Variants in JAK2 observed in about 807,000 individuals in gnomAD.
JAK2 encodes the protein tyrosine-protein kinase JAK2.
A neutral mutation model predicts 139.3 loss-of-function variants in JAK2; 86 were observed. The ratio of observed to expected loss-of-function variants is 0.62; its 90% CI spans 0.52 to 0.74. The LOEUF is 0.74. JAK2 is among the 30% of genes least tolerant of loss of function. The pLI, the probability that JAK2 is intolerant of heterozygous loss-of-function variation, is 0.00. For synonymous variants in JAK2, 490 were observed against 437.7 expected (o/e 1.12, Z -1.49); for missense variants, 1,421 against 1,360.3 (o/e 1.04, Z -0.70).
At chr9:5,104,626 T>A (rs569641178) in intron 22 of JAK2, among the ~76,000 whole-genome samples, 1 of 152,234 alleles carries the variant, frequency 6.6e-6, no homozygotes, top group African/African-American at 2.4e-5. Flanking sequence ...TTTAGACCAA[T>A]ATCCCTGATG....
chr9:5,101,593 T>C (rs534652546), intron 22 of JAK2, among the ~76,000 whole-genome samples: 1 of 152,322 alleles, frequency 6.6e-6, no homozygotes, highest in South Asian at 2.1e-4. Flanking sequence ...CCCTGATGCT[T>C]CTGTAGCCTA....
intron 3 of JAK2, among the ~76,000 whole-genome samples, chr9:5,024,205 G>T (rs969071381): frequency 1.3e-5 from 2 of 152,082 alleles, no homozygotes; most frequent in Non-Finnish European, 2.9e-5. Flanking sequence ...GCAGTGAGCC[G>T]AGATTGCGCC....
intron 2 of JAK2, among the ~76,000 whole-genome samples, chr9:4,992,712 C>T (rs989333783): frequency 1.3e-5 from 2 of 152,118 alleles, no homozygotes; most frequent in East Asian, 1.9e-4. Flanking sequence ...GAACTGAGGA[C>T]CCATGAAGAG....
intron 2 of JAK2, among the ~76,000 whole-genome samples, chr9:5,002,300 C>T (rs971330986): frequency 6.6e-6 from 1 of 151,826 alleles, no homozygotes; most frequent in Non-Finnish European, 1.5e-5. Context: ...TCTCTCTAAC[C>T]ACTATTTTAG....
intron 8 of JAK2, among the ~76,000 whole-genome samples, chr9:5,059,398 A>G (rs529598684): frequency 2.0e-5 from 3 of 152,148 alleles, no homozygotes; most frequent in Non-Finnish European, 4.4e-5. Flanking sequence ...GTGTCAGTTC[A>G]TTCCTTTTTA....
At chr9:5,110,761 G>T in intron 22 of JAK2, 1 of 384,598 alleles carries the variant, frequency 2.6e-6, no homozygotes, top group South Asian at 2.1e-5. Context: ...TCTGCGGACT[G>T]GCCATGCAGG....
At chr9:5,049,090 C>G (rs935775263) in intron 5 of JAK2, among the ~76,000 whole-genome samples, 1 of 152,130 alleles carries the variant, frequency 6.6e-6, no homozygotes, top group African/African-American at 2.4e-5. Flanking sequence ...ATAAAGTTAT[C>G]AGCCTTTTTT....
At chr9:5,094,981 A>T (rs1284048816) in intron 22 of JAK2, 1 of 152,118 alleles carries the variant, frequency 6.6e-6, no homozygotes, top group Non-Finnish European at 1.5e-5. Context: ...ATATATCTCA[A>T]TGCCTTTCCT....
chr9:5,085,764 C>T (rs1820044973), intron 19 of JAK2: 2 of 754,176 alleles, frequency 2.7e-6, no homozygotes, highest in Admixed American at 1.7e-5. Context: ...TTGCACATGT[C>T]GGGAGTTATT....
chr9:5,091,662 G>C (rs1330528597), intron 22 of JAK2: 1 of 152,138 alleles, frequency 6.6e-6, no homozygotes, highest in African/African-American at 2.4e-5. Context: ...AATGGAGGCT[G>C]AAGTTTGGGT....
intron 23 of JAK2, among the ~76,000 whole-genome samples, chr9:5,124,367 G>T (rs890962055): frequency 6.6e-6 from 1 of 150,974 alleles, no homozygotes; most frequent in African/African-American, 2.4e-5. Context: ...GTCTGTAATC[G>T]ATCGAGTTAA....
chr9:5,073,336 A>G (rs191762624), intron 13 of JAK2, among the ~76,000 whole-genome samples: 1 of 152,312 alleles, frequency 6.6e-6, no homozygotes, highest in African/African-American at 2.4e-5. Flanking sequence ...GTGTTATTTA[A>G]AGGCTACATC....
At chr9:5,005,463 G>A (rs1465698805) in intron 2 of JAK2, among the ~76,000 whole-genome samples, 1 of 151,848 alleles carries the variant, frequency 6.6e-6, no homozygotes, top group African/African-American at 2.4e-5. Flanking sequence ...TTTTAAATCT[G>A]GTATAATGAT....
chr9:4,998,499 C>A (rs1258858644), intron 2 of JAK2, among the ~76,000 whole-genome samples: 3 of 152,162 alleles, frequency 2.0e-5, no homozygotes, highest in Non-Finnish European at 4.4e-5. Flanking sequence ...TCGTGATCCG[C>A]CCGCCTTGGC....
At position 5,058,051 on chromosome 9, in the gene JAK2, C is replaced by G. The variant is rs559107749; in HGVS notation, c.1056+2263C>G. Among the ~76,000 whole-genome samples the G allele has an allele frequency of 3.9e-5, 6 of 152,192 alleles. No homozygotes were observed. In the South Asian group the frequency reaches 1.0e-3, roughly 26 times the overall value. On this transcript the variant is annotated intron_variant, in intron 8 of 24. Coordinates refer to ENST00000381652, the MANE Select transcript of JAK2 (RefSeq NM_004972.4). The stretch of plus-strand genomic sequence containing the variant: ...TTCATTTTTAATATATGTATGTATT[C>G]TGTGTCATGTATATACCACATTTGT...
intron 19 of JAK2, among the ~76,000 whole-genome samples, chr9:5,087,483 C>G (rs963700415): frequency 4.7e-5 from 2 of 42,628 alleles, no homozygotes; most frequent in East Asian, 1.1e-3. Context: ...CACTCCCTTA[C>G]TTGATTTCTT....
intron 14 of JAK2, among the ~76,000 whole-genome samples, chr9:5,075,008 A>C (rs1410625476): frequency 6.6e-6 from 1 of 152,194 alleles, no homozygotes; most frequent in South Asian, 2.1e-4. Flanking sequence ...ATACAGAGAA[A>C]GTTCTAGATA....
intron 22 of JAK2, chr9:5,094,174 G>C (rs931621663): frequency 6.6e-6 from 1 of 151,864 alleles, no homozygotes; most frequent in South Asian, 2.1e-4. Context: ...TAACAGTTAC[G>C]CAAAGGACCT....
Position 5,080,530 on chromosome 9 carries a change from T to C in JAK2, c.2284-3T>C. ...TTCTCAGTTTGTGGTTCTTTAATTA[T>C]AGAAGCTACAATTTTATGAAGATAG... On this transcript the variant is annotated splice_region_variant and splice_polypyrimidine_tract_variant and intron_variant, in intron 17 of 24. Coordinates refer to ENST00000381652, the MANE Select transcript of JAK2 (RefSeq NM_004972.4). 3 of 1,579,832 alleles carry C rather than the reference T, an allele frequency of 1.9e-6. No homozygotes were observed. Among genetic ancestry groups the C allele is most frequent in the South Asian group, 2.4e-5 (2 of 83,846 alleles).
Sources: allele counts gnomAD v4.1 joint callset (sites outside exome capture counted in the v4.1 genomes callset), GRCh38; gene constraint gnomAD v4.1.1; transcripts MANE v1.5; gene names NCBI Gene and HGNC (gene_info 2026-07-23, HGNC 2026-07-21).